FAM200B: variants seen among roughly 807,000 people sequenced by gnomAD.
FAM200B encodes protein FAM200B.
FAM200B carries 32 observed loss-of-function variants against 33.1 expected under a neutral mutation model. The ratio of observed to expected loss-of-function variants is 0.97; its 90% CI spans 0.73 to 1.30. The LOEUF (loss-of-function observed/expected upper bound fraction) is 1.30. Among genes scored for constraint, FAM200B ranks in the 50% most tolerant of loss-of-function variants. The probability of loss-of-function intolerance (pLI) is 0.00; values close to 1 mark genes in which losing one functional copy is unlikely to be tolerated. For synonymous variants in FAM200B, 240 were observed against 264.8 expected, an observed-to-expected ratio of 0.91 and a Z score of 0.91; for missense variants, 741 against 754.0, an observed-to-expected ratio of 0.98 and a Z score of 0.20.
the FAM200B span, among the ~76,000 whole-genome samples, chr4:15,674,773 C>G: frequency 1.3e-5 from 2 of 152,020 alleles, no homozygotes; most frequent in African/African-American, 2.4e-5. Context: ...CCTCAGCCTC[C>G]CTAGTAGCTG....
chr4:15,686,093 C>CA (rs1207536848), intron 1 of FAM200B, 143 bp from the exon 2 acceptor site: 1 of 152,100 alleles, frequency 6.6e-6, no homozygotes, highest in Non-Finnish European at 1.5e-5. Context: ...AGGCCTAAGC[C>CA]AATATAAGAT....
At chr4:15,679,968 C>G (rs192764210), upstream of FAM200B, among the ~76,000 whole-genome samples, 3 of 152,270 alleles carry the variant, frequency 2.0e-5, no homozygotes, top group Admixed American at 6.5e-5. Flanking sequence ...TTTCTAATAT[C>G]TGAAGACTGG....
At chr4:15,662,952 A>G in the FAM200B span, among the ~76,000 whole-genome samples, 2 of 152,232 alleles carry the variant, frequency 1.3e-5, no homozygotes, top group African/African-American at 4.8e-5. Flanking sequence ...CCATAAAACA[A>G]TAGAGCATAT....
upstream of FAM200B, among the ~76,000 whole-genome samples, chr4:15,679,842 A>G (rs959083131): frequency 6.6e-6 from 1 of 152,066 alleles, no homozygotes; most frequent in Non-Finnish European, 1.5e-5. Context: ...ATGAAGGGCA[A>G]CTGTAAATAT....
chr4:15,686,630 T>A lies in FAM200B; in HGVS notation c.-348T>A, dbSNP rs2148862137. 1 of 162,220 alleles carries A rather than the reference T, an allele frequency of 6.2e-6. No homozygotes were observed. Among genetic ancestry groups the A allele is most frequent in the African/African-American group, 2.4e-5 (1 of 41,994 alleles). 10.0% of individuals were successfully genotyped at this position (162,220 alleles called of 1,614,324 possible). A position where few individuals can be genotyped will look rare whatever the true frequency, so the allele number is the denominator to read the frequency against. ...AAGTGTTTTGCATGAATCCTTTGCC[T>A]GAATTGTGCACATTGCAAGGAATGC... On this transcript the variant is annotated 5_prime_UTR_variant, in exon 2 of 2. Coordinates refer to ENST00000422728, the MANE Select transcript of FAM200B (RefSeq NM_001145191.2).
the FAM200B span, chr4:15,655,251 C>T: frequency 3.5e-6 from 5 of 1,441,758 alleles, no homozygotes; most frequent in East Asian, 3.0e-5. Context: ...CAGTGTGGGG[C>T]GGTGAAGACG....
chr4:15,672,815 C>T, the FAM200B span, among the ~76,000 whole-genome samples: 2 of 152,034 alleles, frequency 1.3e-5, no homozygotes, highest in Non-Finnish European at 2.9e-5. Context: ...TTTAAATTAA[C>T]TTTTTGACTC....
At chr4:15,679,568 A>AC (rs1328616393), upstream of FAM200B, among the ~76,000 whole-genome samples, 1 of 151,564 alleles carries the variant, frequency 6.6e-6, no homozygotes, top group Non-Finnish European at 1.5e-5. Context: ...GGAACAAAAA[A>AC]AAAAAAAAAC....
chr4:15,639,850 A>C, the FAM200B span, among the ~76,000 whole-genome samples: 13,901 of 152,196 alleles, frequency 0.091, 781 homozygotes, highest in Non-Finnish European at 0.12. Context: ...TTATAAGGTG[A>C]AGCTATAGTT....
the FAM200B span, among the ~76,000 whole-genome samples, chr4:15,676,253 A>C: frequency 6.6e-6 from 1 of 152,220 alleles, no homozygotes; most frequent in Non-Finnish European, 1.5e-5. Context: ...TTTATAAACT[A>C]CCGCATAAAA....
chr4:15,671,622 A>G, the FAM200B span, among the ~76,000 whole-genome samples: 3 of 152,008 alleles, frequency 2.0e-5, no homozygotes, highest in Admixed American at 6.5e-5. Context: ...ATCTTCTTGA[A>G]TCTGTGGGTT....
At chr4:15,671,604 G>C in the FAM200B span, among the ~76,000 whole-genome samples, 1 of 152,004 alleles carries the variant, frequency 6.6e-6, no homozygotes, top group African/African-American at 2.4e-5. Context: ...CTTGTGCTTG[G>C]AGTTCATATC....
upstream of FAM200B, among the ~76,000 whole-genome samples, chr4:15,679,559 G>C (rs538750419): frequency 7.2e-5 from 6 of 83,048 alleles, no homozygotes; most frequent in African/African-American, 2.9e-4. Context: ...TACAGTTCAG[G>C]AACAAAAAAA....
In FAM200B at chr4:15,686,944, CATTTT is replaced by C. The variant is rs1258240254; in HGVS notation, c.-32_-28del. ...TTTTTTGAGTTAGTGCCAATTATAA[CATTTT>C]AATCAAACTGGAACAAATTGCTATT... is the stretch of plus-strand genomic sequence containing the variant. On this transcript the variant is annotated 5_prime_UTR_variant, in exon 2 of 2. The change abolishes the stop of an existing upstream ORF in the 5' untranslated region. Transcript: ENST00000422728. The C allele has an allele frequency of 1.8e-6, 2 of 1,125,812 alleles. No individual in the cohort carries two copies. The highest frequency in any genetic ancestry group is 3.2e-5 in the African/African-American group (2 of 62,630). The allele number at this position is 1,125,812 out of a possible 1,614,324, so 69.7% of individuals were successfully genotyped here.
chr4:15,676,662 T>C (rs896031498), upstream of FAM200B, among the ~76,000 whole-genome samples: 3 of 151,114 alleles, frequency 2.0e-5, no homozygotes, highest in African/African-American at 2.4e-5. Flanking sequence ...GAGAGAAGGG[T>C]AGAGTGTGTG....
chr4:15,674,937 C>T, the FAM200B span, among the ~76,000 whole-genome samples: 1 of 152,154 alleles, frequency 6.6e-6, no homozygotes, highest in Non-Finnish European at 1.5e-5. Context: ...GCACGAGCCA[C>T]CGCACCCAGT....
chr4:15,684,367 A>G (rs764109738), intron 1 of FAM200B, among the ~76,000 whole-genome samples: 7 of 152,236 alleles, frequency 4.6e-5, no homozygotes, highest in Non-Finnish European at 2.9e-5. Flanking sequence ...CTGGCTTCTC[A>G]TTAAAGCCGC....
chr4:15,650,215 C>T, the FAM200B span, among the ~76,000 whole-genome samples: 2 of 152,206 alleles, frequency 1.3e-5, no homozygotes, highest in African/African-American at 2.4e-5. Context: ...AAAAAGAAAT[C>T]ATCTGCCTCA....
rs193170266 is a variant in FAM200B at position 15,686,784 on chromosome 4, G to A, written c.-194G>A. The A allele has an allele frequency of 7.0e-5, 25 of 358,262 alleles. No homozygotes were observed. In the South Asian group the frequency reaches 1.0e-3, roughly 15 times the overall value. The allele number at this position is 358,262 out of a possible 1,614,324, so 22.2% of individuals were successfully genotyped here. On this transcript the variant is annotated 5_prime_UTR_variant, in exon 2 of 2. Coordinates refer to ENST00000422728, the MANE Select transcript of FAM200B (RefSeq NM_001145191.2). ...TCTTGCTTGATTTTCATAATAGCAC[G>A]GTTAATGTTCTATAGTCAAGTTTTA...
Sources: gnomAD v4.1 joint callset for allele counts (sites outside exome capture counted in the v4.1 genomes callset) on GRCh38, gnomAD v4.1.1 for gene constraint, MANE v1.5 for transcripts, NCBI Gene and HGNC (gene_info 2026-07-23, HGNC 2026-07-21) for gene names.